The following DIAPH2 variants were observed in gnomAD, a reference collection of about 807,000 sequenced individuals.
DIAPH2 encodes diaphanous related formin 2, also known as protein diaphanous homolog 2.
Under a neutral mutation model 92.7 loss-of-function variants are expected in DIAPH2, and 35 were observed. That is an observed-to-expected ratio of 0.38 (90% CI 0.29 to 0.50). The LOEUF (loss-of-function observed/expected upper bound fraction) is 0.50. DIAPH2 is among the 20% of genes least tolerant of loss of function. The pLI is 0.94. For synonymous variants in DIAPH2, 301 were observed against 280.4 expected (o/e 1.07, Z -0.73); for missense variants, 701 against 819.5 (o/e 0.86, Z 1.77).
At chrX:97,275,413 G>A (rs71409581) in intron 23 of DIAPH2, among the ~76,000 whole-genome samples, 19 of 105,383 alleles carry the variant, frequency 1.8e-4, no homozygotes, top group South Asian at 1.3e-3. Flanking sequence ...CTGGCCAGGC[G>A]GGGGCTGCCC....
At chrX:96,769,269 C>T (rs1489576871) in intron 4 of DIAPH2, among the ~76,000 whole-genome samples, 11 of 111,488 alleles carry the variant, frequency 9.9e-5, no homozygotes, top group South Asian at 3.8e-4. Context: ...GGGACGAGAC[C>T]GAGTTTGGAG....
intron 19 of DIAPH2, among the ~76,000 whole-genome samples, chrX:97,080,073 C>A (rs1440236598): frequency 9.0e-6 from 1 of 111,031 alleles, no homozygotes; most frequent in African/African-American, 3.3e-5. Context: ...ATGCAACTGT[C>A]TGGTGTCCTA....
intron 1 of DIAPH2, among the ~76,000 whole-genome samples, chrX:96,693,885 A>G (rs2063810881): frequency 8.9e-6 from 1 of 111,753 alleles, no homozygotes; most frequent in Non-Finnish European, 1.9e-5. Flanking sequence ...AAATACAAAA[A>G]TTAGCTGTGC....
intron 24 of DIAPH2, among the ~76,000 whole-genome samples, chrX:97,380,051 G>A (rs916596954): frequency 9.2e-6 from 1 of 109,097 alleles, no homozygotes; most frequent in African/African-American, 3.4e-5. Context: ...AATAAGATTT[G>A]TAATTTATTC....
chrX:96,718,352 T>G (rs2063967285), intron 1 of DIAPH2, among the ~76,000 whole-genome samples: 11 of 62,662 alleles, frequency 1.8e-4, no homozygotes, highest in African/African-American at 3.9e-4. Flanking sequence ...TTTTTTTTTT[T>G]TTTTTTTTTT....
chrX:97,172,787 T>A (rs1428795040), intron 22 of DIAPH2, among the ~76,000 whole-genome samples: 1 of 111,775 alleles, frequency 8.9e-6, no homozygotes, highest in African/African-American at 3.3e-5. Context: ...TACTTCAGAC[T>A]GAAGATCAAG....
chrX:97,276,967 C>G (rs2068456597), intron 23 of DIAPH2, among the ~76,000 whole-genome samples: 1 of 112,386 alleles, frequency 8.9e-6, no homozygotes, highest in African/African-American at 3.2e-5. Flanking sequence ...TCATCTAGAA[C>G]TGTTTCTGCT....
intron 22 of DIAPH2, among the ~76,000 whole-genome samples, chrX:97,217,615 T>C (rs191939745): frequency 3.6e-5 from 4 of 112,295 alleles, no homozygotes; most frequent in Non-Finnish European, 1.9e-5. Flanking sequence ...TAATCAAATA[T>C]TTCCTCACAA....
intron 5 of DIAPH2, among the ~76,000 whole-genome samples, chrX:96,902,329 G>A (rs775013440): frequency 4.5e-5 from 5 of 111,541 alleles, no homozygotes; most frequent in African/African-American, 1.6e-4. Flanking sequence ...TATGTCTATT[G>A]TTTCTTTGTT....
intron 16 of DIAPH2, among the ~76,000 whole-genome samples, chrX:96,959,248 A>G (rs1025809906): frequency 1.5e-4 from 17 of 111,718 alleles, no homozygotes; most frequent in African/African-American, 5.2e-4. Context: ...TCCTAATAAC[A>G]GTATATGAAA....
chrX:97,023,328 A>G (rs146726888), intron 17 of DIAPH2, among the ~76,000 whole-genome samples: 1,149 of 111,320 alleles, frequency 0.01, 7 homozygotes, highest in Non-Finnish European at 0.015. Context: ...CTGTACACCT[A>G]TGAATTGATT....
chrX:97,148,305 T>C (rs2067260902), intron 22 of DIAPH2, among the ~76,000 whole-genome samples: 1 of 111,864 alleles, frequency 8.9e-6, no homozygotes, highest in Non-Finnish European at 1.9e-5. Context: ...GGAAAACATA[T>C]AGAAAGTAGA....
chrX:97,245,444 T>A (rs1057434063), intron 22 of DIAPH2, among the ~76,000 whole-genome samples: 2 of 111,046 alleles, frequency 1.8e-5, no homozygotes, highest in Non-Finnish European at 1.9e-5. Flanking sequence ...TTCTTTTTTT[T>A]AAATTTTTTG....
chrX:96,801,605 G>A (rs1321462736), intron 4 of DIAPH2, among the ~76,000 whole-genome samples: 2 of 111,475 alleles, frequency 1.8e-5, no homozygotes, highest in East Asian at 2.8e-4. Flanking sequence ...GATGTTGAGT[G>A]ATATAAGCAT....
chrX:97,484,293 G>T lies in DIAPH2; in HGVS notation c.3241+54548G>T, dbSNP rs1315103961. ...TCTAATTCCGTTTTTACCATTACTA[G>T]TTGTGTAAACTTAGGCAAATTATCT... On this transcript the variant is annotated intron_variant, in intron 26 of 26. Transcript: ENST00000324765. Among the ~76,000 whole-genome samples the T allele has an allele frequency of 2.7e-5, 3 of 111,460 alleles. No homozygotes were observed. In the East Asian group the frequency reaches 8.4e-4, roughly 31 times the overall value.
chrX:97,153,157 A>G (rs1202837817), intron 22 of DIAPH2, among the ~76,000 whole-genome samples: 1 of 112,222 alleles, frequency 8.9e-6, no homozygotes, highest in African/African-American at 3.2e-5. Context: ...TTATGCAAGT[A>G]AAATTAGATA....
In DIAPH2 at chrX:97,090,298, C is replaced by CTTTTTTTTTTTTTTTTT. The variant is rs760073834; in HGVS notation, c.2248-9376_2248-9360dup. Reference sequence around the variant, plus strand: ...GTGATCCTCTGATTGTCTCTGATCCCTTTTTTTTTTTTTTTTTTTTTTTTT... The same window carrying CTTTTTTTTTTTTTTTTT: ...GTGATCCTCTGATTGTCTCTGATCCCTTTTTTTTTTTTTTTTTTTTTTTTTTTTTTTTTTTTTTTTTT... On this transcript the variant is annotated intron_variant, in intron 19 of 26. Coordinates refer to ENST00000324765, the MANE Select transcript of DIAPH2 (RefSeq NM_006729.5). Among the ~76,000 whole-genome samples, 2 of 38,861 alleles carry CTTTTTTTTTTTTTTTTT rather than the reference C, an allele frequency of 5.1e-5. 1 individual carries two copies. Among genetic ancestry groups the CTTTTTTTTTTTTTTTTT allele is most frequent in the Non-Finnish European group, 9.2e-5 (2 of 21,825 alleles). The allele number at this position is 38,861 out of a possible 115,157, so 33.7% of individuals were successfully genotyped here. A position where few individuals can be genotyped will look rare whatever the true frequency, so the allele number is the denominator to read the frequency against.
chrX:97,574,094 T>C (rs2071386791), intron 26 of DIAPH2, among the ~76,000 whole-genome samples: 1 of 111,986 alleles, frequency 8.9e-6, no homozygotes, highest in South Asian at 3.7e-4. Context: ...CTGTAAGATA[T>C]CTAAAGAGAG....
chrX:96,778,390 C>T (rs2064392403), intron 4 of DIAPH2, among the ~76,000 whole-genome samples: 1 of 110,378 alleles, frequency 9.1e-6, no homozygotes, highest in East Asian at 2.9e-4. Flanking sequence ...GTTATATTTG[C>T]TTTATCATTC....
Sources: allele counts gnomAD v4.1 joint callset (sites outside exome capture counted in the v4.1 genomes callset), GRCh38; gene constraint gnomAD v4.1.1; transcripts MANE v1.5; gene names NCBI Gene and HGNC (gene_info 2026-07-23, HGNC 2026-07-21).